Variants in HNRNPCL2 observed in about 807,000 individuals in gnomAD.
The protein encoded by HNRNPCL2 is heterogeneous nuclear ribonucleoprotein C-like 2.
A neutral mutation model predicts 18.2 loss-of-function variants in HNRNPCL2; 17 were observed. The observed-to-expected ratio is 0.94, with a 90% CI of 0.64 to 1.40. The LOEUF (loss-of-function observed/expected upper bound fraction) is 1.40, where lower values mean the gene tolerates loss of function less well. HNRNPCL2 is among the 40% of genes most tolerant of loss of function. HNRNPCL2 has a pLI of 0.00. For synonymous variants in HNRNPCL2, 133 were observed against 129.9 expected (o/e 1.02, Z -0.16); for missense variants, 358 against 357.1 (o/e 1.00, Z -0.02).
chr1:13,115,558 C>T lies in HNRNPCL2; in HGVS notation c.843G>A (p.Glu281=), dbSNP rs781004954. 7.2e-5 allele frequency: 116 copies of T among 1,612,044 alleles called. No individual in the cohort carries two copies. The highest frequency in any genetic ancestry group is 9.7e-5 in the Non-Finnish European group (114 of 1,179,334). ...KNNEKDAEEG[E]DNRDSTNGQD... Reference sequence around the variant, plus strand: ...GGCCATTGGTGCTGTCTCTGTTATCCTCTCCTTCCTCAGCATCTTTTTCAT... The same window carrying T: ...GGCCATTGGTGCTGTCTCTGTTATCTTCTCCTTCCTCAGCATCTTTTTCAT... The change falls in exon 2 of 2, where the codon GAG becomes GAA. Residue 281 remains glutamate, a synonymous_variant. Transcript: ENST00000621994.
Position 13,116,096 on chromosome 1 carries a change from G to A in HNRNPCL2, c.305C>T (p.Ala102Val). The A allele has an allele frequency of 2.5e-6, 4 of 1,613,136 alleles. No homozygotes were observed. Among genetic ancestry groups the A allele is most frequent in the South Asian group, 2.2e-5 (2 of 91,004 alleles). The change falls in exon 2 of 2, where the codon GCG becomes GTG. Residue 102 changes from alanine to valine, a missense_variant. Ala to Val is a moderately conservative substitution (Grantham distance 64, BLOSUM62 0). Transcript: ENST00000621994. ...RGNAGVKRSA[A>V]EMYGSSFDLD... ...GTCAAAAGAGGAGCCGTACATCTCC[G>A]CTGCGGATCGTTTCACACCTGCGTT... is the stretch of plus-strand genomic sequence containing the variant.
Position 13,115,574 on chromosome 1 carries a change from T to C in HNRNPCL2, c.827A>G (p.Asp276Gly), listed in dbSNP as rs368128818. ...TCTGTTATCCTCTCCTTCCTCAGCA[T>C]CTTTTTCATTATTCTTGATCAAATG... Reference protein sequence around the residue: ...QLHLIKNNEKDAEEGEDNRDS... With the variant: ...QLHLIKNNEKGAEEGEDNRDS... The change falls in exon 2 of 2, where the codon GAT becomes GGT. Residue 276 changes from aspartate (D) to glycine (G), a missense_variant. Physicochemically the swap from Asp to Gly is moderately conservative, Grantham distance 94 (BLOSUM62 -1). Coordinates refer to ENST00000621994, the MANE Select transcript of HNRNPCL2 (RefSeq NM_001136561.3). The C allele has an allele frequency of 3.1e-6, 5 of 1,613,218 alleles. No homozygotes were observed. In the Admixed American group the frequency reaches 6.7e-5, roughly 22 times the overall value.
rs76669210 is a variant in HNRNPCL2, at chr1:13,116,101, G to T, written c.300C>A (p.Ser100=). The part of the protein sequence containing the change: ...VNRGNAGVKR[S]AAEMYGSSFD... ...AAGAGGAGCCGTACATCTCCGCTGC[G>T]GATCGTTTCACACCTGCGTTTCCTC... Residue 100 remains serine, a synonymous_variant, in exon 2 of 2, where the codon TCC becomes TCA. Coordinates refer to ENST00000621994, the MANE Select transcript of HNRNPCL2 (RefSeq NM_001136561.3). 0.023 allele frequency: 36,042 copies of T among 1,584,786 alleles called. 870 individuals carry two copies. Among genetic ancestry groups the T allele is most frequent in the East Asian group, 0.19 (7,813 of 41,812 alleles).
At position 13,115,848 on chromosome 1, in the gene HNRNPCL2, G is replaced by A. The variant is rs1277329932; in HGVS notation, c.553C>T (p.Gln185Ter). 2 of 1,612,966 alleles carry A rather than the reference G, an allele frequency of 1.2e-6. No homozygotes were observed. The highest frequency in any genetic ancestry group is 1.7e-5 in the Admixed American group (1 of 59,972). The stretch of plus-strand genomic sequence containing the variant: ...TTCTGTTTTATCTGGGTCAACTCCT[G>A]CTTAATGGCCTGAAGGTCATCTCCT... ...LKGDDLQAIK[Q>*]ELTQIKQKVD... The change falls in exon 2 of 2, where the codon CAG becomes TAG. Residue 185 changes from glutamine (Q) to a stop codon, truncating the protein, a stop_gained. Transcript: ENST00000621994. LOFTEE classifies it high-confidence loss of function.
In HNRNPCL2 at chr1:13,116,100, C is replaced by T. The variant is rs373693703; in HGVS notation, c.301G>A (p.Ala101Thr). Residue 101 changes from alanine (A) to threonine (T), a missense_variant, in exon 2 of 2, where the codon GCA (alanine) becomes ACA (threonine). Coordinates refer to ENST00000621994, the MANE Select transcript of HNRNPCL2 (RefSeq NM_001136561.3). ...NRGNAGVKRS[A>T]AEMYGSSFDL... ...AAAGAGGAGCCGTACATCTCCGCTG[C>T]GGATCGTTTCACACCTGCGTTTCCT... 62 of 1,613,024 alleles carry T rather than the reference C, an allele frequency of 3.8e-5. No individual in the cohort carries two copies. The highest frequency in any genetic ancestry group is 4.7e-5 in the Non-Finnish European group (55 of 1,179,838).
chr1:13,116,154 T>C lies in HNRNPCL2; in HGVS notation c.247A>G (p.Asn83Asp). Residue 83 changes from asparagine to aspartate, a missense_variant, in exon 2 of 2, where the codon AAC becomes GAC. Physicochemically the swap from Asn to Asp is conservative, Grantham distance 23 (BLOSUM62 1). Transcript: ENST00000621994. ...RMIASQVAVI[N>D]LAAEPKVNRG... ...TTCACTTTTGGCTCTGCAGCCAGGT[T>C]AATAACTGCAACCTGGCTAGCAATC... The C allele has an allele frequency of 6.2e-7, 1 of 1,607,910 alleles. No individual in the cohort carries two copies. Among genetic ancestry groups the C allele is most frequent in the South Asian group, 1.1e-5 (1 of 90,832 alleles).
At position 13,116,079 on chromosome 1, in the gene HNRNPCL2, A is replaced by G. The variant is rs748408108; in HGVS notation, c.322T>C (p.Ser108Pro). The change falls in exon 2 of 2, where the codon TCT becomes CCT. Residue 108 changes from serine (S) to proline (P), a missense_variant. Physicochemically the swap from Ser to Pro is moderately conservative, Grantham distance 74. Transcript: ENST00000621994. ...TGAAAGCCATAGTCCAAGTCAAAAG[A>G]GGAGCCGTACATCTCCGCTGCGGAT... ...KRSAAEMYGS[S>P]FDLDYGFQRD... The G allele has an allele frequency of 7.4e-5, 119 of 1,613,316 alleles. 1 individual carries two copies. The highest frequency in any genetic ancestry group is 9.7e-5 in the Non-Finnish European group (114 of 1,179,910).
Position 13,116,758 on chromosome 1 carries a change from A to C in HNRNPCL2, c.-182+35T>G, listed in dbSNP as rs66601730. 2,101 of 305,620 alleles carry C rather than the reference A, an allele frequency of 6.9e-3. 9 individuals carry two copies. Among genetic ancestry groups the C allele is most frequent in the Non-Finnish European group, 9.0e-3 (1,516 of 167,596 alleles). The allele number at this position is 305,620 out of a possible 1,614,324, so 18.9% of individuals were successfully genotyped here. A position where few individuals can be genotyped will look rare whatever the true frequency, so the allele number is the denominator to read the frequency against. On this transcript the variant is annotated intron_variant, in intron 1 of 1. Coordinates refer to ENST00000621994, the MANE Select transcript of HNRNPCL2 (RefSeq NM_001136561.3). The stretch of plus-strand genomic sequence containing the variant: ...GTTCTAGACCGGCTGACTGTAGGTC[A>C]CATGGGAGTGTCCTTACAGAAATTA...
chr1:13,116,514 C>A lies in HNRNPCL2; in HGVS notation c.-114G>T. ...CTACGGGGAGAAACTGACTGCGGCTCGAGGCCAGAAATGCAGCCAAAACAG... is the reference window on the plus strand; with the variant it reads ...CTACGGGGAGAAACTGACTGCGGCTAGAGGCCAGAAATGCAGCCAAAACAG... On this transcript the variant is annotated 5_prime_UTR_variant, in exon 2 of 2. Coordinates refer to ENST00000621994, the MANE Select transcript of HNRNPCL2 (RefSeq NM_001136561.3). The A allele has an allele frequency of 2.1e-6, 3 of 1,445,540 alleles. No homozygotes were observed. Among genetic ancestry groups the A allele is most frequent in the South Asian group, 1.5e-5 (1 of 68,152 alleles). 89.5% of individuals were successfully genotyped at this position (1,445,540 alleles called of 1,614,324 possible).
In HNRNPCL2 at chr1:13,116,186, C is replaced by T; in HGVS notation, c.215G>A (p.Gly72Asp). Residue 72 changes from glycine (G) to aspartate (D), a missense_variant, in exon 2 of 2, where the codon GGC (glycine) becomes GAC (aspartate). Gly to Asp is a moderately conservative substitution (Grantham distance 94). Transcript: ENST00000621994. ...NARAAVAGED[G>D]RMIASQVAVI... is the part of the protein sequence containing the mutation. ...TGCAACCTGGCTAGCAATCATTCTG[C>T]CATCCTCTCCTGCTACAGCAGCCCG... 1 of 1,610,972 alleles carries T rather than the reference C, an allele frequency of 6.2e-7. No homozygotes were observed. The highest frequency in any genetic ancestry group is 8.5e-7 in the Non-Finnish European group (1 of 1,178,988).
At position 13,115,927 on chromosome 1, in the gene HNRNPCL2, A is replaced by T; in HGVS notation, c.474T>A (p.Ser158Arg). 6.2e-7 allele frequency: 1 copy of T among 1,612,974 alleles called. No individual in the cohort carries two copies. The highest frequency in any genetic ancestry group is 1.3e-5 in the African/African-American group (1 of 74,494). ...GCTTTCCACTCTTAGAATTGAAGCC[A>T]CTTTTGCCCCTTCGTGAGGTGTTTC... ...ISGNTSRRGK[S>R]GFNSKSGKRG... Residue 158 changes from serine (S) to arginine (R), a missense_variant, in exon 2 of 2, where the codon AGT becomes AGA. Physicochemically the swap from Ser to Arg is moderately radical, Grantham distance 110. Coordinates refer to ENST00000621994, the MANE Select transcript of HNRNPCL2 (RefSeq NM_001136561.3).
In HNRNPCL2 at chr1:13,116,138, G is replaced by T; in HGVS notation, c.263C>A (p.Pro88Gln). The change falls in exon 2 of 2, where the codon CCA becomes CAA. Residue 88 changes from proline (P) to glutamine (Q), a missense_variant. Physicochemically the swap from Pro to Gln is moderately conservative, Grantham distance 76. Transcript: ENST00000621994. ...QVAVINLAAE[P>Q]KVNRGNAGVK... ...ACCTGCGTTTCCTCGGTTCACTTTT[G>T]GCTCTGCAGCCAGGTTAATAACTGC... 6.2e-7 allele frequency: 1 copy of T among 1,611,136 alleles called. No homozygotes were observed. Among genetic ancestry groups the T allele is most frequent in the Non-Finnish European group, 8.5e-7 (1 of 1,178,922 alleles).
rs1351846467 is a variant in HNRNPCL2, at chr1:13,116,493, G to A, written c.-93C>T. ...TAAGTCTCCTACTGCCGGGTTCTACGGGGAGAAACTGACTGCGGCTCGAGG... is the reference window on the plus strand; with the variant it reads ...TAAGTCTCCTACTGCCGGGTTCTACAGGGAGAAACTGACTGCGGCTCGAGG... On this transcript the variant is annotated 5_prime_UTR_variant, in exon 2 of 2. Coordinates refer to ENST00000621994, the MANE Select transcript of HNRNPCL2 (RefSeq NM_001136561.3). 51 of 1,491,892 alleles carry A rather than the reference G, an allele frequency of 3.4e-5. 1 individual carries two copies. In the South Asian group the frequency reaches 5.0e-4, roughly 15 times the overall value. The allele number at this position is 1,491,892 out of a possible 1,614,324, so 92.4% of individuals were successfully genotyped here. A position where few individuals can be genotyped will look rare whatever the true frequency, so the allele number is the denominator to read the frequency against.
rs1642827822 is a variant in HNRNPCL2 at position 13,116,347 on chromosome 1, C to T, written c.54G>A (p.Val18=). 6.2e-7 allele frequency: 1 copy of T among 1,613,040 alleles called. No individual in the cohort carries two copies. Among genetic ancestry groups the T allele is most frequent in the African/African-American group, 1.3e-5 (1 of 74,470 alleles). ...CAAGAGTGTTGAGATTCCCAATGAA[C>T]ACACGGGAGTTCACGGAGTGAGGAT... is the stretch of plus-strand genomic sequence containing the variant. ...KMDPHSVNSR[V]FIGNLNTLVV... The change falls in exon 2 of 2, where the codon GTG becomes GTA. Residue 18 remains valine (V), a synonymous_variant. Transcript: ENST00000621994.
Position 13,116,589 on chromosome 1 carries a change from G to T in HNRNPCL2, c.-181-8C>A, listed in dbSNP as rs1335398625. 8.5e-7 allele frequency: 1 copy of T among 1,172,794 alleles called. No individual in the cohort carries two copies. Among genetic ancestry groups the T allele is most frequent in the Non-Finnish European group, 1.2e-6 (1 of 867,156 alleles). The allele number at this position is 1,172,794 out of a possible 1,614,324, so 72.6% of individuals were successfully genotyped here. ...TGGCTGCCAACAAGAATTCTGAAAT[G>T]ATGTAAAGAAAAGCACAACAACATT... On this transcript the variant is annotated splice_polypyrimidine_tract_variant and splice_region_variant and intron_variant, in intron 1 of 1. Transcript: ENST00000621994.
In HNRNPCL2 at chr1:13,116,569, G is replaced by C. The variant is rs79268001; in HGVS notation, c.-169C>G. On this transcript the variant is annotated 5_prime_UTR_variant, in exon 2 of 2. Transcript: ENST00000621994. Reference sequence around the variant, plus strand: ...GTCTTCGTCTCTTCACAAAATGGCTGCCAACAAGAATTCTGAAATGATGTA... The same window carrying C: ...GTCTTCGTCTCTTCACAAAATGGCTCCCAACAAGAATTCTGAAATGATGTA... 2.5e-3 allele frequency: 3,217 copies of C among 1,283,444 alleles called. 51 individuals carry two copies. Among genetic ancestry groups the C allele is most frequent in the African/African-American group, 0.02 (1,320 of 64,776 alleles). 79.5% of individuals were successfully genotyped at this position (1,283,444 alleles called of 1,614,324 possible).
At position 13,116,307 on chromosome 1, in the gene HNRNPCL2, C is replaced by G; in HGVS notation, c.94G>C (p.Asp32His). ...NLNTLVVKKS[D>H]VEAIFSKYGK... is the part of the protein sequence containing the mutation. Reference sequence around the variant, plus strand: ...TACTTGGAAAAGATCGCCTCCACATCAGATTTCTTGACAACAAGAGTGTTG... The same window carrying G: ...TACTTGGAAAAGATCGCCTCCACATGAGATTTCTTGACAACAAGAGTGTTG... The change falls in exon 2 of 2, where the codon GAT becomes CAT. Residue 32 changes from aspartate to histidine, a missense_variant. Transcript: ENST00000621994. 1.9e-6 allele frequency: 3 copies of G among 1,611,968 alleles called. No homozygotes were observed. Among genetic ancestry groups the G allele is most frequent in the Non-Finnish European group, 2.5e-6 (3 of 1,179,342 alleles).
At position 13,116,306 on chromosome 1, in the gene HNRNPCL2, T is replaced by A; in HGVS notation, c.95A>T (p.Asp32Val). Residue 32 changes from aspartate (D) to valine (V), a missense_variant, in exon 2 of 2, where the codon GAT becomes GTT. Asp to Val is a radical substitution (Grantham distance 152). Transcript: ENST00000621994. ...NLNTLVVKKS[D>V]VEAIFSKYGK... The stretch of plus-strand genomic sequence containing the variant: ...ATACTTGGAAAAGATCGCCTCCACA[T>A]CAGATTTCTTGACAACAAGAGTGTT... 2 of 1,611,926 alleles carry A rather than the reference T, an allele frequency of 1.2e-6. No individual in the cohort carries two copies. The highest frequency in any genetic ancestry group is 1.7e-6 in the Non-Finnish European group (2 of 1,179,320).
chr1:13,116,774 A>C lies in HNRNPCL2; in HGVS notation c.-182+19T>G, dbSNP rs367839815. ...CTGTAGGTCACATGGGAGTGTCCTT[A>C]CAGAAATTAGTGACTTACCAGATCT... On this transcript the variant is annotated intron_variant, in intron 1 of 1. Transcript: ENST00000621994. 0.027 allele frequency: 6,538 copies of C among 242,566 alleles called. 47 individuals are homozygous for C. Among genetic ancestry groups the C allele is most frequent in the East Asian group, 0.12 (1,164 of 9,652 alleles). The allele number at this position is 242,566 out of a possible 1,614,324, so 15.0% of individuals were successfully genotyped here. A position where few individuals can be genotyped will look rare whatever the true frequency, so the allele number is the denominator to read the frequency against.
Sources: gnomAD v4.1 joint callset for allele counts on GRCh38, gnomAD v4.1.1 for gene constraint, MANE v1.5 for transcripts, NCBI Gene and HGNC (gene_info 2026-07-23, HGNC 2026-07-21) for gene names.